The following DYNC1LI1 variants were observed in gnomAD, a reference collection of about 807,000 sequenced individuals.
DYNC1LI1 encodes dynein cytoplasmic 1 light intermediate chain 1.
A neutral mutation model predicts 63.8 loss-of-function variants in DYNC1LI1; 19 were observed. The observed-to-expected ratio is 0.30, with a 90% confidence interval of 0.21 to 0.44. DYNC1LI1 has a LOEUF of 0.44. Among genes scored for constraint, DYNC1LI1 ranks in the 20% least tolerant of loss-of-function variants. The pLI, the probability that DYNC1LI1 is intolerant of heterozygous loss-of-function variation, is 1.00. For missense variants in DYNC1LI1, 565 were observed against 630.2 expected (o/e 0.90, Z 1.11); for synonymous variants, 225 against 232.3 (o/e 0.97, Z 0.28).
chr3:32,546,880 C>G (rs1697962431), intron 2 of DYNC1LI1, among the ~76,000 whole-genome samples: 1 of 152,080 alleles, frequency 6.6e-6, no homozygotes, highest in African/African-American at 2.4e-5. Context: ...TAAAAATAGA[C>G]TTAAAAGTAT....
chr3:32,564,176 G>T (rs1431268994), intron 2 of DYNC1LI1, among the ~76,000 whole-genome samples: 5 of 152,124 alleles, frequency 3.3e-5, no homozygotes, highest in African/African-American at 1.2e-4. Flanking sequence ...CATCGTGGTG[G>T]GACTACAGTC....
At chr3:32,543,460 CGCAATCTCAGCTCACT>C (rs1198043380) in intron 4 of DYNC1LI1, among the ~76,000 whole-genome samples, 1 of 141,810 alleles carries the variant, frequency 7.1e-6, no homozygotes, top group Non-Finnish European at 1.5e-5. Context: ...AGTACAGTGG[CGCAATCTCAGCTCACT>C]GCAATCTCCG....
chr3:32,570,829 TGGCGGTGGAGGC>T lies in DYNC1LI1; in HGVS notation c.-71_-60del, dbSNP rs1472598050. On this transcript the variant is annotated 5_prime_UTR_variant, in exon 1 of 13. Coordinates refer to ENST00000273130, the MANE Select transcript of DYNC1LI1 (RefSeq NM_016141.4). The stretch of plus-strand genomic sequence containing the variant: ...TAAATGTGCGAGGCGGCTGAGGCGG[TGGCGGTGGAGGC>T]GGCGGGAACCCGGATATGGGGCGTT... The T allele has an allele frequency of 2.8e-6, 4 of 1,432,006 alleles. No individual in the cohort carries two copies. In the East Asian group the frequency reaches 1.1e-4, roughly 39 times the overall value. 88.7% of individuals were successfully genotyped at this position (1,432,006 alleles called of 1,614,324 possible).
chr3:32,561,574 AG>A (rs1423861993), intron 2 of DYNC1LI1, among the ~76,000 whole-genome samples: 8 of 152,026 alleles, frequency 5.3e-5, no homozygotes, highest in Non-Finnish European at 1.0e-4. Flanking sequence ...GGTTGTAGTG[AG>A]GCAAGATGGC....
chr3:32,570,596 G>T (rs765910772), intron 1 of DYNC1LI1, 29 bp downstream of exon 1: 3 of 1,548,996 alleles, frequency 1.9e-6, no homozygotes, highest in East Asian at 4.9e-5. Flanking sequence ...GGGAGCCAGC[G>T]GGGGCTGAGG....
intron 2 of DYNC1LI1, among the ~76,000 whole-genome samples, chr3:32,550,673 T>C (rs1417423141): frequency 1.3e-5 from 2 of 152,200 alleles, no homozygotes; most frequent in Non-Finnish European, 2.9e-5. Flanking sequence ...GCAGGATTTG[T>C]TATAAGGTAT....
chr3:32,530,174 C>A, intron 10 of DYNC1LI1, 110 bp downstream of exon 10: 1 of 887,878 alleles, frequency 1.1e-6, no homozygotes. Context: ...ATTCTGAATT[C>A]AAGTTTATAT....
intron 2 of DYNC1LI1, among the ~76,000 whole-genome samples, chr3:32,569,571 G>A (rs1436343384): frequency 6.6e-6 from 1 of 152,034 alleles, no homozygotes; most frequent in Non-Finnish European, 1.5e-5. Context: ...GAGCTATATA[G>A]AGAAATTTCT....
intron 2 of DYNC1LI1, among the ~76,000 whole-genome samples, chr3:32,567,466 C>A (rs981898513): frequency 1.3e-5 from 2 of 151,978 alleles, no homozygotes; most frequent in Admixed American, 6.6e-5. Context: ...TATCATTGTT[C>A]CTATTCTAGG....
intron 2 of DYNC1LI1, among the ~76,000 whole-genome samples, chr3:32,569,452 AAACAACAAC>A (rs768374013): frequency 6.6e-6 from 1 of 152,152 alleles, no homozygotes; most frequent in African/African-American, 2.4e-5. Context: ...GATATAACCA[AAACAACAAC>A]AACAACAACA....
chr3:32,538,410 A>C (rs544257639), intron 5 of DYNC1LI1, among the ~76,000 whole-genome samples: 6 of 151,928 alleles, frequency 3.9e-5, no homozygotes, highest in Admixed American at 3.9e-4. Flanking sequence ...TTAAATAAAA[A>C]TATTTTAAGG....
At chr3:32,552,029 C>T (rs931661542) in intron 2 of DYNC1LI1, among the ~76,000 whole-genome samples, 1 of 152,220 alleles carries the variant, frequency 6.6e-6, no homozygotes. Context: ...GAATACCTCA[C>T]ATTTCAATAT....
At chr3:32,546,375 T>C (rs1697953253) in intron 2 of DYNC1LI1, among the ~76,000 whole-genome samples, 2 of 151,850 alleles carry the variant, frequency 1.3e-5, no homozygotes, top group Non-Finnish European at 2.9e-5. Flanking sequence ...GCCACTGTAC[T>C]CCAGGCTGGG....
chr3:32,532,507 A>ATATATATATATATG (rs1553617333), intron 8 of DYNC1LI1: 1 of 147,538 alleles, frequency 6.8e-6, no homozygotes, highest in Non-Finnish European at 1.5e-5. Context: ...ATATATATAT[A>ATATATATATATATG]AAATTGAAAG....
At chr3:32,535,420 G>C (rs1407464035) in intron 6 of DYNC1LI1, among the ~76,000 whole-genome samples, 2 of 152,212 alleles carry the variant, frequency 1.3e-5, no homozygotes, top group Non-Finnish European at 2.9e-5. Context: ...CTCCAAGGGA[G>C]ATGGTGACCT....
At chr3:32,542,790 G>T (rs778634712) in intron 4 of DYNC1LI1, among the ~76,000 whole-genome samples, 1 of 152,158 alleles carries the variant, frequency 6.6e-6, no homozygotes, top group Non-Finnish European at 1.5e-5. Context: ...GTAATTATGA[G>T]CCAGATCTTT....
At chr3:32,554,673 CA>C (rs1042490437) in intron 2 of DYNC1LI1, among the ~76,000 whole-genome samples, 8 of 152,048 alleles carry the variant, frequency 5.3e-5, no homozygotes, top group African/African-American at 1.9e-4. Flanking sequence ...AAGGAAAAAA[CA>C]AAAACTTATT....
intron 2 of DYNC1LI1, among the ~76,000 whole-genome samples, chr3:32,560,123 A>C (rs923135370): frequency 3.3e-5 from 5 of 152,168 alleles, no homozygotes; most frequent in Non-Finnish European, 7.3e-5. Context: ...TAGAGCGAAA[A>C]GACAAACCCA....
intron 2 of DYNC1LI1, among the ~76,000 whole-genome samples, chr3:32,569,952 T>C (rs1373580048): frequency 1.3e-5 from 2 of 152,240 alleles, no homozygotes; most frequent in African/African-American, 4.8e-5. Context: ...TAAATATTAA[T>C]GGCATGCCAT....
Sources: allele counts gnomAD v4.1 joint callset (sites outside exome capture counted in the v4.1 genomes callset), GRCh38; gene constraint gnomAD v4.1.1; transcripts MANE v1.5; gene names NCBI Gene and HGNC (gene_info 2026-07-23, HGNC 2026-07-21).